Variants in PTGFRN observed in about 807,000 individuals in gnomAD.
PTGFRN encodes prostaglandin F2 receptor inhibitor.
Under a neutral mutation model 83.2 loss-of-function variants are expected in PTGFRN, and 35 were observed. That is an observed-to-expected ratio of 0.42 (90% CI 0.32 to 0.56). The LOEUF (loss-of-function observed/expected upper bound fraction) is 0.56. PTGFRN is among the 20% of genes least tolerant of loss of function. The pLI is 0.11. For missense variants in PTGFRN, 1,051 were observed against 1,179.5 expected, an observed-to-expected ratio of 0.89 and a Z score of 1.60; for synonymous variants, 519 against 498.6, an observed-to-expected ratio of 1.04 and a Z score of -0.55.
intron 6 of PTGFRN, among the ~76,000 whole-genome samples, chr1:116,968,397 A>G (rs1650899114): frequency 6.6e-6 from 1 of 152,064 alleles, no homozygotes; most frequent in South Asian, 2.1e-4. Context: ...ATAGCCTTTT[A>G]TGGTATATAA....
intron 7 of PTGFRN, among the ~76,000 whole-genome samples, chr1:116,975,376 G>T (rs1651116306): frequency 6.6e-6 from 1 of 152,216 alleles, no homozygotes; most frequent in African/African-American, 2.4e-5. Flanking sequence ...GAAGAGAGTA[G>T]TGCTTCTCCC....
chr1:116,940,675 A>G (rs1650037532), intron 1 of PTGFRN, among the ~76,000 whole-genome samples: 1 of 152,214 alleles, frequency 6.6e-6, no homozygotes. Context: ...TCATTAACTC[A>G]GTGAAGCTGC....
At chr1:116,935,886 G>C (rs1649910630) in intron 1 of PTGFRN, among the ~76,000 whole-genome samples, 1 of 152,096 alleles carries the variant, frequency 6.6e-6, no homozygotes. Context: ...GTCCTCAATA[G>C]GACTTTTAAG....
intron 4 of PTGFRN, among the ~76,000 whole-genome samples, chr1:116,954,409 T>C (rs1192983985): frequency 6.6e-6 from 1 of 152,112 alleles, no homozygotes; most frequent in African/African-American, 2.4e-5. Flanking sequence ...TTGGTCAATA[T>C]GCTCAGCTGC....
At chr1:116,964,046 C>CT (rs1650754805) in intron 5 of PTGFRN, among the ~76,000 whole-genome samples, 1 of 151,320 alleles carries the variant, frequency 6.6e-6, no homozygotes, top group Non-Finnish European at 1.5e-5. Flanking sequence ...GCCCGAAGTG[C>CT]TAGGATTACA....
intron 1 of PTGFRN, among the ~76,000 whole-genome samples, chr1:116,940,490 C>A (rs1310882254): frequency 6.6e-6 from 1 of 152,156 alleles, no homozygotes; most frequent in African/African-American, 2.4e-5. Context: ...TCTGTGACAA[C>A]CCTGTTGCCA....
rs1199285248 is a variant in PTGFRN at position 116,990,277 on chromosome 1, T to C, written c.*3310T>C. 6.5e-6 allele frequency: 1 copy of C among 152,684 alleles called. No individual in the cohort carries two copies. Among genetic ancestry groups the C allele is most frequent in the Non-Finnish European group, 1.5e-5 (1 of 68,050 alleles). The allele number at this position is 152,684 out of a possible 1,614,324, so 9.5% of individuals were successfully genotyped here. On this transcript the variant is annotated 3_prime_UTR_variant, in exon 9 of 9. Transcript: ENST00000393203. ...TCCAATGTTATATGAACTAATTGTA[T>C]TGTTTTATACTGTGACCACAAATAT...
At chr1:116,985,523 C>A (rs1239761567) in intron 8 of PTGFRN, among the ~76,000 whole-genome samples, 1 of 152,004 alleles carries the variant, frequency 6.6e-6, no homozygotes, top group Non-Finnish European at 1.5e-5. Context: ...ATAGTGAAAC[C>A]CCGTCTCTAC....
chr1:116,944,773 C>T lies in PTGFRN; in HGVS notation c.513C>T (p.Ala171=), dbSNP rs781009041. Residue 171 remains alanine, a synonymous_variant, in exon 3 of 9, where the codon GCC becomes GCT. Transcript: ENST00000393203. Reference sequence around the variant, plus strand: ...AGCCCTTCGAGCTGCGCTGCACCGCCGCCTCCGCCTCGCCGCTGCACACGC... The same window carrying T: ...AGCCCTTCGAGCTGCGCTGCACCGCTGCCTCCGCCTCGCCGCTGCACACGC... ...EGEPFELRCT[A]ASASPLHTHL... is the part of the protein sequence containing the mutation. The T allele has an allele frequency of 6.4e-6, 10 of 1,554,634 alleles. No homozygotes were observed. The highest frequency in any genetic ancestry group is 3.5e-5 in the South Asian group (3 of 84,810).
chr1:116,971,035 T>C (rs777903858), intron 6 of PTGFRN, among the ~76,000 whole-genome samples: 41 of 152,220 alleles, frequency 2.7e-4, no homozygotes, highest in Non-Finnish European at 8.8e-5. Flanking sequence ...TTTGAAAATA[T>C]AGTAATGTAG....
rs1418988481 is a variant in PTGFRN at position 116,986,786 on chromosome 1, A to T, written c.2474-15A>T. ...GCAGCACTGACTGGCTTCCCCTTTG[A>T]TCTCTCCCTCCCAGTGCTGAACGCC... On this transcript the variant is annotated splice_polypyrimidine_tract_variant and intron_variant, in intron 8 of 8. Coordinates refer to ENST00000393203, the MANE Select transcript of PTGFRN (RefSeq NM_020440.4). 2 of 1,613,050 alleles carry T rather than the reference A, an allele frequency of 1.2e-6. No individual in the cohort carries two copies. Among genetic ancestry groups the T allele is most frequent in the Admixed American group, 1.7e-5 (1 of 60,020 alleles).
chr1:116,977,011 A>C (rs1445639440), intron 7 of PTGFRN, among the ~76,000 whole-genome samples: 1 of 152,240 alleles, frequency 6.6e-6, no homozygotes, highest in Non-Finnish European at 1.5e-5. Context: ...TAGGCTCAAA[A>C]TAAAGGGATG....
intron 7 of PTGFRN, among the ~76,000 whole-genome samples, chr1:116,978,243 C>T (rs1326904077): frequency 1.3e-5 from 2 of 152,082 alleles, no homozygotes; most frequent in Non-Finnish European, 2.9e-5. Flanking sequence ...AGCCTACCAA[C>T]CAAAAAAAGT....
intron 1 of PTGFRN, among the ~76,000 whole-genome samples, chr1:116,922,698 G>A (rs577933040): frequency 2.0e-5 from 3 of 152,282 alleles, no homozygotes; most frequent in Non-Finnish European, 2.9e-5. Flanking sequence ...TTAGAAAACA[G>A]CAGTGATGAG....
At chr1:116,914,138 C>G (rs1649341260) in intron 1 of PTGFRN, among the ~76,000 whole-genome samples, 1 of 152,198 alleles carries the variant, frequency 6.6e-6, no homozygotes, top group African/African-American at 2.4e-5. Flanking sequence ...CACAGTCATT[C>G]TGGCTCCCCA....
At chr1:116,948,065 T>C (rs1650245729) in intron 3 of PTGFRN, among the ~76,000 whole-genome samples, 1 of 152,226 alleles carries the variant, frequency 6.6e-6, no homozygotes, top group Non-Finnish European at 1.5e-5. Flanking sequence ...CTTTTCTGAA[T>C]TGGGTCCCTG....
chr1:116,969,996 G>C (rs1650945707), intron 6 of PTGFRN, among the ~76,000 whole-genome samples: 1 of 151,912 alleles, frequency 6.6e-6, no homozygotes, highest in African/African-American at 2.4e-5. Flanking sequence ...TCTAAATTTG[G>C]GGGACTTGTT....
At chr1:116,924,664 A>G (rs1282014569) in intron 1 of PTGFRN, among the ~76,000 whole-genome samples, 1 of 152,228 alleles carries the variant, frequency 6.6e-6, no homozygotes, top group African/African-American at 2.4e-5. Context: ...CCCCAGCCAC[A>G]TGCTCTGCGC....
In PTGFRN at chr1:116,925,098, G is replaced by T. The variant is rs568177803; in HGVS notation, c.49+14846G>T. Reference sequence around the variant, plus strand: ...GGTTTTTGTCTGGCAGAGAAGGGGTGGGTAGTTTACTTTAGGCAGAGGGAA... The same window carrying T: ...GGTTTTTGTCTGGCAGAGAAGGGGTTGGTAGTTTACTTTAGGCAGAGGGAA... On this transcript the variant is annotated intron_variant, in intron 1 of 8. Transcript: ENST00000393203. Among the ~76,000 whole-genome samples, 54 of 152,236 alleles carry T rather than the reference G, an allele frequency of 3.5e-4. No individual in the cohort carries two copies. The South Asian group carries it at 5.4e-3, about 15-fold the overall frequency.
Sources: gnomAD v4.1 joint callset for allele counts (sites outside exome capture counted in the v4.1 genomes callset) on GRCh38, gnomAD v4.1.1 for gene constraint, MANE v1.5 for transcripts, NCBI Gene and HGNC (gene_info 2026-07-23, HGNC 2026-07-21) for gene names.